MOB3B: variants seen among roughly 807,000 people sequenced by gnomAD.
MOB3B encodes MOB kinase activator 3B, also known as MOB kinase activator-like 2B.
A neutral mutation model predicts 18.7 loss-of-function variants in MOB3B; 7 were observed. The ratio of observed to expected loss-of-function variants is 0.37; its 90% CI spans 0.21 to 0.70. The LOEUF is 0.70. Among genes scored for constraint, MOB3B ranks in the 30% least tolerant of loss-of-function variants. The pLI, the probability that MOB3B is intolerant of heterozygous loss-of-function variation, is 0.52. For missense variants in MOB3B, 253 were observed against 281.3 expected, an observed-to-expected ratio of 0.90 and a Z score of 0.72; for synonymous variants, 111 against 99.9, an observed-to-expected ratio of 1.11 and a Z score of -0.66.
intron 2 of MOB3B, among the ~76,000 whole-genome samples, chr9:27,384,485 A>C (rs1020031899): frequency 6.6e-6 from 1 of 152,026 alleles, no homozygotes; most frequent in African/African-American, 2.4e-5. Flanking sequence ...CACACCCCTC[A>C]CTGGACTAAT....
intron 2 of MOB3B, among the ~76,000 whole-genome samples, chr9:27,445,847 A>G (rs1439563491): frequency 6.6e-6 from 1 of 151,970 alleles, no homozygotes; most frequent in African/African-American, 2.4e-5. Context: ...TTGCCGGCGG[A>G]TTGTCAAGGG....
intron 1 of MOB3B, among the ~76,000 whole-genome samples, chr9:27,503,640 A>G (rs1019696735): frequency 6.6e-6 from 1 of 152,250 alleles, no homozygotes; most frequent in African/African-American, 2.4e-5. Flanking sequence ...TTGGCTGTCC[A>G]GTGGCACCAG....
intron 3 of MOB3B, among the ~76,000 whole-genome samples, chr9:27,354,437 T>C (rs993075514): frequency 6.6e-6 from 1 of 152,030 alleles, no homozygotes; most frequent in Non-Finnish European, 1.5e-5. Context: ...TGACTAAGAG[T>C]TGAGGCCTCG....
rs1820741698 is a variant in MOB3B at position 27,328,413 on chromosome 9, C to A, written c.*2174G>T. The A allele has an allele frequency of 1.3e-5, 2 of 151,282 alleles. No homozygotes were observed. Among genetic ancestry groups the A allele is most frequent in the Non-Finnish European group, 2.9e-5 (2 of 67,896 alleles). The allele number at this position is 151,282 out of a possible 1,614,324, so 9.4% of individuals were successfully genotyped here. A position where few individuals can be genotyped will look rare whatever the true frequency, so the allele number is the denominator to read the frequency against. On this transcript the variant is annotated 3_prime_UTR_variant, in exon 4 of 4. Transcript: ENST00000262244. Reference sequence around the variant, plus strand: ...TTAAAAAAAAAAAAAGGGTAGTTTGCCAGAATTTACCCTAGAAGAGTTCAT... The same window carrying A: ...TTAAAAAAAAAAAAAGGGTAGTTTGACAGAATTTACCCTAGAAGAGTTCAT...
intron 2 of MOB3B, among the ~76,000 whole-genome samples, chr9:27,400,040 T>C (rs909210906): frequency 6.6e-6 from 1 of 152,166 alleles, no homozygotes; most frequent in Non-Finnish European, 1.5e-5. Flanking sequence ...CCCTGGAAAT[T>C]ACAGCTGCCT....
chr9:27,528,761 G>C (rs143803584), intron 1 of MOB3B, among the ~76,000 whole-genome samples: 183 of 150,842 alleles, frequency 1.2e-3, no homozygotes, highest in Non-Finnish European at 2.0e-3. Flanking sequence ...TTAGGGGAGA[G>C]GGTCAGGAAA....
intron 2 of MOB3B, among the ~76,000 whole-genome samples, chr9:27,406,319 T>C (rs1375328948): frequency 2.6e-5 from 4 of 152,126 alleles, no homozygotes; most frequent in African/African-American, 9.7e-5. Flanking sequence ...GTAATCCCAT[T>C]TACAATAGCT....
chr9:27,441,651 C>T, intron 2 of MOB3B, among the ~76,000 whole-genome samples: 1 of 152,180 alleles, frequency 6.6e-6, no homozygotes, highest in East Asian at 1.9e-4. Context: ...TCATTTATTT[C>T]TGGAATTTTC....
At chr9:27,448,680 C>T (rs1340564150) in intron 2 of MOB3B, among the ~76,000 whole-genome samples, 3 of 152,148 alleles carry the variant, frequency 2.0e-5, no homozygotes, top group East Asian at 1.9e-4. Flanking sequence ...AACATGTCAG[C>T]AGATGAAGTG....
At chr9:27,478,109 C>T (rs932948886) in intron 1 of MOB3B, among the ~76,000 whole-genome samples, 1 of 152,166 alleles carries the variant, frequency 6.6e-6, no homozygotes, top group Non-Finnish European at 1.5e-5. Context: ...GTGTGTTGCA[C>T]AAATTTACAT....
At chr9:27,437,318 A>C (rs1478502910) in intron 2 of MOB3B, among the ~76,000 whole-genome samples, 1 of 152,172 alleles carries the variant, frequency 6.6e-6, no homozygotes, top group East Asian at 1.9e-4. Flanking sequence ...AGACCACTAG[A>C]GGAAAAAGTA....
At chr9:27,432,217 AC>A (rs1443285633) in intron 2 of MOB3B, among the ~76,000 whole-genome samples, 1 of 152,126 alleles carries the variant, frequency 6.6e-6, no homozygotes, top group Non-Finnish European at 1.5e-5. Context: ...TGATCATTCA[AC>A]CAGATAGAAG....
At chr9:27,330,708 G>C in intron 3 of MOB3B, 92 bp from the exon 4 acceptor site, 3 of 1,560,058 alleles carry the variant, frequency 1.9e-6, no homozygotes, top group Non-Finnish European at 2.6e-6. Flanking sequence ...GGAATCTCGA[G>C]AGCCTGTAAA....
At chr9:27,497,032 A>T (rs1819913161) in intron 1 of MOB3B, among the ~76,000 whole-genome samples, 1 of 152,226 alleles carries the variant, frequency 6.6e-6, no homozygotes, top group Non-Finnish European at 1.5e-5. Flanking sequence ...ATATTCCAAG[A>T]AACTCCAGCA....
In MOB3B at chr9:27,455,250, G is replaced by A; in HGVS notation, c.301C>T (p.Gln101Ter). 2 of 1,614,116 alleles carry A rather than the reference G, an allele frequency of 1.2e-6. No individual in the cohort carries two copies. The highest frequency in any genetic ancestry group is 8.5e-7 in the Non-Finnish European group (1 of 1,180,006). The change falls in exon 2 of 4, where the codon CAG becomes TAG. Residue 101 changes from glutamine (Q) to a stop codon, truncating the protein, a stop_gained. Coordinates refer to ENST00000262244, the MANE Select transcript of MOB3B (RefSeq NM_024761.5). LOFTEE classifies it high-confidence loss of function. The stretch of plus-strand genomic sequence containing the variant: ...GGCTTCTTATACTTGAGATCATCCT[G>A]CCACCGATACTCATATTTGGGGCCC... ...SGGPKYEYRW[Q>*]DDLKYKKPTA... is the part of the protein sequence containing the mutation.
chr9:27,468,484 C>G (rs1381670506), intron 1 of MOB3B, among the ~76,000 whole-genome samples: 1 of 152,230 alleles, frequency 6.6e-6, no homozygotes, highest in Non-Finnish European at 1.5e-5. Flanking sequence ...GCAGAGGGAA[C>G]AAGGTACCAA....
chr9:27,428,493 T>C (rs1332312121), intron 2 of MOB3B, among the ~76,000 whole-genome samples: 1 of 152,196 alleles, frequency 6.6e-6, no homozygotes, highest in Non-Finnish European at 1.5e-5. Context: ...ATAGGAGTTG[T>C]CTAGAAAGAG....
At chr9:27,437,895 C>T (rs899088418) in intron 2 of MOB3B, among the ~76,000 whole-genome samples, 1 of 152,104 alleles carries the variant, frequency 6.6e-6, no homozygotes, top group African/African-American at 2.4e-5. Context: ...AAATCCTATT[C>T]AAAACAAAGA....
chr9:27,494,412 A>G (rs1819868222), intron 1 of MOB3B, among the ~76,000 whole-genome samples: 3 of 152,162 alleles, frequency 2.0e-5, no homozygotes. Flanking sequence ...GTGGGGCATC[A>G]TGGACCCTAC....
Sources: gnomAD v4.1 joint callset for allele counts (sites outside exome capture counted in the v4.1 genomes callset) on GRCh38, gnomAD v4.1.1 for gene constraint, MANE v1.5 for transcripts, NCBI Gene and HGNC (gene_info 2026-07-23, HGNC 2026-07-21) for gene names.